The following LRIF1 variants were observed in gnomAD, a reference collection of about 807,000 sequenced individuals.
LRIF1 encodes ligand dependent nuclear receptor interacting factor 1.
In LRIF1, 32 loss-of-function variants were observed where a neutral mutation model predicts 52.7. The observed-to-expected ratio is 0.61, with a 90% CI of 0.46 to 0.82. The LOEUF is 0.82. Among genes scored for constraint, LRIF1 ranks in the 40% least tolerant of loss-of-function variants. The pLI, the probability that LRIF1 is intolerant of heterozygous loss-of-function variation, is 0.00. For missense variants in LRIF1, 887 were observed against 892.0 expected (o/e 0.99, Z 0.07); for synonymous variants, 323 against 317.4 (o/e 1.02, Z -0.19).
chr1:110,890,679 G>A, the LRIF1 span, among the ~76,000 whole-genome samples: 8 of 152,276 alleles, frequency 5.3e-5, no homozygotes, highest in Admixed American at 2.0e-4. Context: ...GGACATTGAT[G>A]TCCTCACTAA....
At chr1:110,924,154 G>T in the LRIF1 span, among the ~76,000 whole-genome samples, 14,059 of 151,994 alleles carry the variant, frequency 0.092, 756 homozygotes, top group African/African-American at 0.15. Flanking sequence ...AGGAATTTAA[G>T]TTACCAAAAA....
At chr1:110,960,914 T>TGTCA (rs1206020380) in intron 1 of LRIF1, among the ~76,000 whole-genome samples, 1 of 152,220 alleles carries the variant, frequency 6.6e-6, no homozygotes, top group African/African-American at 2.4e-5. Flanking sequence ...TGTACACCTG[T>TGTCA]GTCAGTCTTT....
At chr1:110,913,195 T>TGAGAC in the LRIF1 span, among the ~76,000 whole-genome samples, 4 of 152,176 alleles carry the variant, frequency 2.6e-5, no homozygotes, top group Non-Finnish European at 4.4e-5. Context: ...GACTTAAATG[T>TGAGAC]GAGACGTAAA....
the LRIF1 span, chr1:110,894,472 C>G: frequency 2.6e-6 from 3 of 1,141,336 alleles, no homozygotes; most frequent in East Asian, 7.1e-5. Flanking sequence ...GAAGTTGGTA[C>G]AAAGTTACAG....
At chr1:110,893,483 C>T in the LRIF1 span, among the ~76,000 whole-genome samples, 3 of 152,072 alleles carry the variant, frequency 2.0e-5, no homozygotes, top group Admixed American at 6.5e-5. Flanking sequence ...CCACCATGTC[C>T]GGCTAATTCT....
chr1:110,913,248 C>G, the LRIF1 span, among the ~76,000 whole-genome samples: 3 of 152,162 alleles, frequency 2.0e-5, no homozygotes, highest in African/African-American at 7.2e-5. Context: ...ACATACCATT[C>G]TAGACATAGG....
the LRIF1 span, chr1:110,937,340 T>C: frequency 6.6e-6 from 1 of 151,778 alleles, no homozygotes; most frequent in Non-Finnish European, 1.5e-5. Flanking sequence ...ACAAAACGAG[T>C]CTTAAAACAT....
intron 1 of LRIF1, among the ~76,000 whole-genome samples, chr1:110,957,698 C>CTT (rs1658763795): frequency 6.6e-6 from 1 of 152,128 alleles, no homozygotes; most frequent in Non-Finnish European, 1.5e-5. Context: ...GTCTATCCTA[C>CTT]CATTCAATCA....
chr1:110,885,155 T>C, the LRIF1 span, among the ~76,000 whole-genome samples: 2 of 152,172 alleles, frequency 1.3e-5, no homozygotes, highest in South Asian at 4.1e-4. Context: ...CATTTCTCCC[T>C]TCCCAGTCTC....
At chr1:110,949,828 G>C (rs749538465) in intron 3 of LRIF1, 23 bp downstream of exon 3, 28 of 1,602,858 alleles carry the variant, frequency 1.7e-5, no homozygotes, top group Non-Finnish European at 1.7e-5. Flanking sequence ...CCTATGAAGA[G>C]CACATTAAAA....
At chr1:110,920,102 G>A in the LRIF1 span, among the ~76,000 whole-genome samples, 1 of 152,076 alleles carries the variant, frequency 6.6e-6, no homozygotes, top group Non-Finnish European at 1.5e-5. Context: ...AGTGGCTGGT[G>A]GTAATAAAAA....
the LRIF1 span, among the ~76,000 whole-genome samples, chr1:110,932,660 G>T: frequency 6.6e-6 from 1 of 151,974 alleles, no homozygotes; most frequent in African/African-American, 2.4e-5. Context: ...CATTTTTGTT[G>T]GTATCTGCTA....
At chr1:110,902,837 T>C in the LRIF1 span, among the ~76,000 whole-genome samples, 3 of 152,206 alleles carry the variant, frequency 2.0e-5, no homozygotes, top group Admixed American at 1.3e-4. Flanking sequence ...AGGTGAGTCC[T>C]CATAGGACCT....
chr1:110,948,404 A>C lies in LRIF1; in HGVS notation c.1870-5T>G. On this transcript the variant is annotated splice_polypyrimidine_tract_variant and splice_region_variant and intron_variant, in intron 3 of 3. Coordinates refer to ENST00000369763, the MANE Select transcript of LRIF1 (RefSeq NM_018372.4). Reference sequence around the variant, plus strand: ...TCTTTTCTTATCAAAATTCTGCTGCAATATTGAATAACATTCCAAAACAAA... The same window carrying C: ...TCTTTTCTTATCAAAATTCTGCTGCCATATTGAATAACATTCCAAAACAAA... The C allele has an allele frequency of 1.9e-6, 3 of 1,603,194 alleles. No homozygotes were observed. Among genetic ancestry groups the C allele is most frequent in the Non-Finnish European group, 2.6e-6 (3 of 1,173,960 alleles).
the LRIF1 span, among the ~76,000 whole-genome samples, chr1:110,907,849 C>T: frequency 3.3e-5 from 5 of 152,172 alleles, no homozygotes; most frequent in African/African-American, 7.2e-5. Context: ...CAGCACCTTA[C>T]CATTAGCATA....
the LRIF1 span, among the ~76,000 whole-genome samples, chr1:110,888,518 C>A: frequency 6.6e-6 from 1 of 152,102 alleles, no homozygotes; most frequent in South Asian, 2.1e-4. Flanking sequence ...TTTTGCAGAC[C>A]ATTATTTTAT....
chr1:110,895,112 T>C, the LRIF1 span: 8 of 1,265,074 alleles, frequency 6.3e-6, no homozygotes, highest in Admixed American at 1.3e-4. Context: ...CAAGCCTAAA[T>C]CCTTGGGGGC....
At chr1:110,897,499 C>CTGAG in the LRIF1 span, among the ~76,000 whole-genome samples, 1 of 152,174 alleles carries the variant, frequency 6.6e-6, no homozygotes, top group Admixed American at 6.5e-5. Context: ...CTGGTCAGCA[C>CTGAG]TGAGTGTTCA....
the LRIF1 span, chr1:110,938,372 G>A: frequency 6.6e-6 from 1 of 152,084 alleles, no homozygotes; most frequent in Non-Finnish European, 1.5e-5. Context: ...GACTAAGTGG[G>A]ATTTATCCCT....
Sources: allele counts gnomAD v4.1 joint callset (sites outside exome capture counted in the v4.1 genomes callset), GRCh38; gene constraint gnomAD v4.1.1; transcripts MANE v1.5; gene names NCBI Gene and HGNC (gene_info 2026-07-23, HGNC 2026-07-21).